HECW1: variants seen among roughly 807,000 people sequenced by gnomAD.
HECW1 encodes HECT, C2 and WW domain containing E3 ubiquitin protein ligase 1.
A neutral mutation model predicts 182.3 loss-of-function variants in HECW1; 61 were observed. The observed-to-expected ratio is 0.33, with a 90% CI of 0.27 to 0.41. The LOEUF (loss-of-function observed/expected upper bound fraction) is 0.41, where lower values mean the gene tolerates loss of function less well. Ranked by LOEUF, HECW1 falls within the 10% of genes least tolerant of loss-of-function variation. The probability of loss-of-function intolerance (pLI) is 1.00; values close to 1 mark genes in which losing one functional copy is unlikely to be tolerated. For synonymous variants in HECW1, 859 were observed against 832.6 expected (o/e 1.03, Z -0.55); for missense variants, 1,739 against 2,108.9 (o/e 0.82, Z 3.44).
intron 21 of HECW1, 24 bp downstream of exon 21, chr7:43,501,346 C>A: frequency 1.4e-6 from 2 of 1,381,938 alleles, no homozygotes; most frequent in African/African-American, 1.4e-5. Flanking sequence ...GGCCTAATAG[C>A]TCCTGTTAAG....
At chr7:43,313,014 A>G (rs1018708597) in intron 4 of HECW1, among the ~76,000 whole-genome samples, 1 of 152,242 alleles carries the variant, frequency 6.6e-6, no homozygotes, top group Non-Finnish European at 1.5e-5. Flanking sequence ...CACAGAAAGT[A>G]ATGGATTGTT....
chr7:43,148,079 C>G (rs759570886), intron 2 of HECW1, among the ~76,000 whole-genome samples: 7 of 152,112 alleles, frequency 4.6e-5, no homozygotes, highest in Non-Finnish European at 8.8e-5. Context: ...GGAAATGAAA[C>G]CTGAGATGGA....
rs2081863876 is a variant in HECW1, at chr7:43,552,346, C to A, written c.4510+10C>A. The A allele has an allele frequency of 2.0e-6, 3 of 1,512,040 alleles. No individual in the cohort carries two copies. Among genetic ancestry groups the A allele is most frequent in the South Asian group, 1.1e-5 (1 of 89,106 alleles). 93.7% of individuals were successfully genotyped at this position (1,512,040 alleles called of 1,614,324 possible). Reference sequence around the variant, plus strand: ...ACTGAGTACCGGGGAGGTGAGTGGGCAGGAGCTGTAATGATGCAATGATCA... The same window carrying A: ...ACTGAGTACCGGGGAGGTGAGTGGGAAGGAGCTGTAATGATGCAATGATCA... On this transcript the variant is annotated intron_variant, in intron 28 of 29. Coordinates refer to ENST00000395891, the MANE Select transcript of HECW1 (RefSeq NM_015052.5).
chr7:43,234,549 T>C (rs1279937558), intron 2 of HECW1, among the ~76,000 whole-genome samples: 2 of 152,146 alleles, frequency 1.3e-5, no homozygotes, highest in Non-Finnish European at 2.9e-5. Flanking sequence ...TGGGCAGGAA[T>C]GGACACTTCC....
At chr7:43,349,675 C>A (rs1562871151) in intron 5 of HECW1, among the ~76,000 whole-genome samples, 1 of 152,142 alleles carries the variant, frequency 6.6e-6, no homozygotes, top group Non-Finnish European at 1.5e-5. Context: ...ATAATAGCTA[C>A]CCCTGCTCAC....
chr7:43,192,356 T>C (rs2152683968), intron 2 of HECW1, among the ~76,000 whole-genome samples: 1 of 152,322 alleles, frequency 6.6e-6, no homozygotes, highest in Middle Eastern at 3.4e-3. Flanking sequence ...GTTCCTGGCA[T>C]AAAGAAAAGA....
chr7:43,526,945 A>G (rs1360463680), intron 24 of HECW1, among the ~76,000 whole-genome samples: 3 of 152,208 alleles, frequency 2.0e-5, no homozygotes, highest in Non-Finnish European at 4.4e-5. Flanking sequence ...CAGTGAGCCG[A>G]GATCGCATCA....
chr7:43,222,110 T>G (rs924380053), intron 2 of HECW1, among the ~76,000 whole-genome samples: 1 of 152,196 alleles, frequency 6.6e-6, no homozygotes, highest in East Asian at 1.9e-4. Context: ...CTCAACTGTC[T>G]TGGCACATGA....
intron 3 of HECW1, among the ~76,000 whole-genome samples, chr7:43,296,715 G>A (rs988551594): frequency 6.6e-6 from 1 of 152,174 alleles, no homozygotes; most frequent in African/African-American, 2.4e-5. Context: ...AGGCTGATGA[G>A]TTCATTTAGA....
At chr7:43,331,267 A>G (rs999613770) in intron 5 of HECW1, among the ~76,000 whole-genome samples, 7 of 151,992 alleles carry the variant, frequency 4.6e-5, no homozygotes, top group African/African-American at 1.7e-4. Flanking sequence ...TAGTTTGCTC[A>G]GAATGATGGT....
chr7:43,341,368 C>T, intron 5 of HECW1, among the ~76,000 whole-genome samples: 1 of 151,410 alleles, frequency 6.6e-6, no homozygotes, highest in Admixed American at 6.6e-5. Context: ...TGTCATTTTA[C>T]ATATTGGTTC....
At chr7:43,508,823 C>T in intron 23 of HECW1, 146 bp from the exon 24 acceptor site, 1 of 721,164 alleles carries the variant, frequency 1.4e-6, no homozygotes, top group Non-Finnish European at 2.3e-6. Flanking sequence ...TTGATGCTGC[C>T]ATTGGCATTC....
chr7:43,545,838 G>C (rs941810366), intron 26 of HECW1, among the ~76,000 whole-genome samples: 1 of 151,980 alleles, frequency 6.6e-6, no homozygotes, highest in African/African-American at 2.4e-5. Context: ...AGGTGGAAGG[G>C]GGGCAGGAGA....
chr7:43,350,996 G>A (rs1245080694), intron 5 of HECW1, among the ~76,000 whole-genome samples: 1 of 152,194 alleles, frequency 6.6e-6, no homozygotes, highest in Non-Finnish European at 1.5e-5. Flanking sequence ...ATTTGGGTAG[G>A]CTCTATCAGA....
intron 12 of HECW1, among the ~76,000 whole-genome samples, chr7:43,455,281 G>A (rs1451462037): frequency 1.3e-5 from 2 of 152,106 alleles, no homozygotes; most frequent in African/African-American, 2.4e-5. Context: ...TGACAGCTGC[G>A]TGTTGAATAT....
intron 6 of HECW1, among the ~76,000 whole-genome samples, chr7:43,393,220 A>C (rs983097032): frequency 2.6e-5 from 4 of 152,104 alleles, no homozygotes; most frequent in African/African-American, 9.7e-5. Context: ...AGCAGTTAGA[A>C]TGGTAGTCAG....
intron 3 of HECW1, among the ~76,000 whole-genome samples, chr7:43,290,907 C>T (rs1237814849): frequency 1.3e-5 from 2 of 152,160 alleles, no homozygotes; most frequent in Non-Finnish European, 2.9e-5. Context: ...AATAGCAGGA[C>T]GAGGCAGGGA....
chr7:43,405,080 A>G (rs1386676438), intron 7 of HECW1, among the ~76,000 whole-genome samples: 1 of 152,200 alleles, frequency 6.6e-6, no homozygotes, highest in East Asian at 1.9e-4. Context: ...GTAAGCCTTC[A>G]TTTTCTCTTT....
chr7:43,362,013 C>T (rs1302424820), intron 6 of HECW1, among the ~76,000 whole-genome samples: 6 of 150,486 alleles, frequency 4.0e-5, no homozygotes, highest in African/African-American at 7.3e-5. Context: ...TGGTGGCAAG[C>T]GCCTGCAATC....
Sources: allele counts gnomAD v4.1 joint callset (sites outside exome capture counted in the v4.1 genomes callset), GRCh38; gene constraint gnomAD v4.1.1; transcripts MANE v1.5; gene names NCBI Gene and HGNC (gene_info 2026-07-23, HGNC 2026-07-21).